The following SMC2 variants were observed in gnomAD, a reference collection of about 807,000 sequenced individuals.
The protein encoded by SMC2 is structural maintenance of chromosomes 2, also known as structural maintenance of chromosomes protein 2.
Under a neutral mutation model 142.6 loss-of-function variants are expected in SMC2, and 41 were observed. The ratio of observed to expected loss-of-function variants is 0.29; its 90% confidence interval spans 0.22 to 0.37. The LOEUF (loss-of-function observed/expected upper bound fraction) is 0.37, where lower values mean the gene tolerates loss of function less well. Among genes scored for constraint, SMC2 ranks in the 10% least tolerant of loss-of-function variants. SMC2 has a pLI of 1.00. For missense variants in SMC2, 1,265 were observed against 1,373.7 expected, an observed-to-expected ratio of 0.92 and a Z score of 1.25; for synonymous variants, 463 against 457.5, an observed-to-expected ratio of 1.01 and a Z score of -0.15.
chr9:104,100,554 A>ACCACCAAG, intron 7 of SMC2, 121 bp downstream of exon 7: 1 of 643,164 alleles, frequency 1.6e-6, no homozygotes, highest in South Asian at 2.0e-5. Context: ...TGAGATAAGG[A>ACCACCAAG]ATTAGAGTTG....
At position 104,127,152 on chromosome 9, in the gene SMC2, AGG is replaced by A. The variant is rs1273337855; in HGVS notation, c.2596-132_2596-131del. 10 of 632,240 alleles carry A rather than the reference AGG, an allele frequency of 1.6e-5. No individual in the cohort carries two copies. In the Admixed American group the frequency reaches 2.2e-4, roughly 14 times the overall value. 39.2% of individuals were successfully genotyped at this position (632,240 alleles called of 1,614,324 possible). On this transcript the variant is annotated intron_variant, in intron 19 of 24. Transcript: ENST00000374793. The stretch of plus-strand genomic sequence containing the variant: ...CTTTTAATGGTGATATAAAATATAG[AGG>A]GTTAGGTGATCATCTCTCTGCCTGT...
At chr9:104,117,363 T>C (rs1006514985) in intron 14 of SMC2, among the ~76,000 whole-genome samples, 2 of 152,230 alleles carry the variant, frequency 1.3e-5, no homozygotes, top group Non-Finnish European at 2.9e-5. Flanking sequence ...TACATAGAGC[T>C]TCCTTCATTG....
rs113443856 is a variant in SMC2 at position 104,134,457 on chromosome 9, G to A, written c.3151G>A (p.Gly1051Ser). The A allele has an allele frequency of 4.7e-5, 76 of 1,608,370 alleles. No individual in the cohort carries two copies. Among genetic ancestry groups the A allele is most frequent in the Middle Eastern group, 3.3e-4 (2 of 6,034 alleles). ...GTCTATTTTTTCTACTCTTTTGCCT[G>A]GTGCTAATGCTATGCTTGCACCACC... ...FGSIFSTLLP[G>S]ANAMLAPPEG... Residue 1051 changes from glycine to serine, a missense_variant, in exon 23 of 25, where the codon GGT (glycine) becomes AGT (serine). Around this residue, in one of 4 missense-constraint regions of SMC2, gnomAD observed 192 missense variants for 261.9 expected, o/e 0.73. Transcript: ENST00000374793.
upstream of SMC2, among the ~76,000 whole-genome samples, chr9:104,091,315 A>G: frequency 6.6e-6 from 1 of 152,248 alleles, no homozygotes; most frequent in East Asian, 1.9e-4. Context: ...AATGTAGGTA[A>G]CTATAACACA....
At chr9:104,094,992 G>A (rs1482901880) in intron 1 of SMC2, among the ~76,000 whole-genome samples, 1 of 152,162 alleles carries the variant, frequency 6.6e-6, no homozygotes, top group Admixed American at 6.5e-5. Flanking sequence ...AGCTATGTCA[G>A]TATCAGAGAA....
At chr9:104,096,635 C>T (rs1354244290) in intron 3 of SMC2, among the ~76,000 whole-genome samples, 1 of 152,212 alleles carries the variant, frequency 6.6e-6, no homozygotes, top group African/African-American at 2.4e-5. Flanking sequence ...TGTTTTTGGA[C>T]AGGTCTTATT....
rs373917071 is a variant in SMC2 at position 104,096,336 on chromosome 9, T to G, written c.318+39T>G. The G allele has an allele frequency of 2.3e-5, 36 of 1,597,376 alleles. No individual in the cohort carries two copies. The African/African-American group carries it at 4.6e-4, about 20-fold the overall frequency. On this transcript the variant is annotated intron_variant, in intron 3 of 24. Transcript: ENST00000374793. The stretch of plus-strand genomic sequence containing the variant: ...AAACCTTTGGGTATCTTAAGACCTT[T>G]TATGTCTGATGTGGTTTTTGGCCCT...
At position 104,132,087 on chromosome 9, in the gene SMC2, C is replaced by A; in HGVS notation, c.3070C>A (p.Gln1024Lys). The change falls in exon 22 of 25, where the codon CAG becomes AAG. Residue 1024 changes from glutamine (Q) to lysine (K), a missense_variant. Coordinates refer to ENST00000374793, the MANE Select transcript of SMC2 (RefSeq NM_006444.3). ...TCTTACAACTATAGAAGACCTTGAC[C>A]AGAAGAAAAACCAAGCCCTAAATAT... ...KILTTIEDLD[Q>K]KKNQALNIAW... 1 of 1,597,662 alleles carries A rather than the reference C, an allele frequency of 6.3e-7. No individual in the cohort carries two copies. The highest frequency in any genetic ancestry group is 1.1e-5 in the South Asian group (1 of 87,716).
intron 24 of SMC2, 105 bp downstream of exon 24, chr9:104,138,270 A>C: frequency 1.1e-6 from 1 of 899,552 alleles, no homozygotes; most frequent in East Asian, 2.7e-5. Context: ...AGGGTTGATA[A>C]ATACTAAAGC....
chr9:104,112,841 TTC>T (rs906856571), intron 10 of SMC2, among the ~76,000 whole-genome samples: 3 of 152,164 alleles, frequency 2.0e-5, no homozygotes, highest in African/African-American at 4.8e-5. Context: ...GCATTTAAGT[TTC>T]TCTGTCAGTT....
At chr9:104,089,195 C>A in the SMC2 span, among the ~76,000 whole-genome samples, 1 of 152,064 alleles carries the variant, frequency 6.6e-6, no homozygotes, top group East Asian at 1.9e-4. Flanking sequence ...TTAGAGAGGG[C>A]AGAGTCTTGT....
intron 13 of SMC2, among the ~76,000 whole-genome samples, chr9:104,115,329 C>T (rs1832965844): frequency 6.6e-6 from 1 of 151,750 alleles, no homozygotes; most frequent in Non-Finnish European, 1.5e-5. Flanking sequence ...AATCCCAGCA[C>T]TTTGGGAGGC....
intron 10 of SMC2, among the ~76,000 whole-genome samples, chr9:104,112,534 C>CTCTT (rs1371791854): frequency 1.3e-5 from 2 of 150,068 alleles, no homozygotes; most frequent in Non-Finnish European, 2.9e-5. Context: ...TCAGGTTTTT[C>CTCTT]TCTTTATATA....
intron 23 of SMC2, among the ~76,000 whole-genome samples, chr9:104,136,720 T>C (rs1835570011): frequency 6.6e-6 from 1 of 151,694 alleles, no homozygotes; most frequent in Admixed American, 6.6e-5. Context: ...ATTAACAGTC[T>C]CACTGTGATT....
At chr9:104,110,497 C>G (rs553141579) in intron 9 of SMC2, among the ~76,000 whole-genome samples, 2 of 152,178 alleles carry the variant, frequency 1.3e-5, no homozygotes, top group South Asian at 4.2e-4. Context: ...CTTTGGTTAA[C>G]AGTAGGCTAT....
At chr9:104,093,793 C>A (rs1031920052), upstream of SMC2, among the ~76,000 whole-genome samples, 2 of 142,330 alleles carry the variant, frequency 1.4e-5, no homozygotes, top group Admixed American at 1.4e-4. Flanking sequence ...GGGCCAGAGT[C>A]CCCCGAAGGA....
chr9:104,104,617 C>T (rs1347991281), intron 9 of SMC2, among the ~76,000 whole-genome samples: 3 of 152,172 alleles, frequency 2.0e-5, no homozygotes, highest in Admixed American at 1.3e-4. Context: ...GCACATTCTA[C>T]AGTTATTCTT....
At chr9:104,136,678 CT>C (rs1036205053) in intron 23 of SMC2, among the ~76,000 whole-genome samples, 1 of 149,284 alleles carries the variant, frequency 6.7e-6, no homozygotes, top group African/African-American at 2.5e-5. Flanking sequence ...TTTAGGTTGG[CT>C]GAATGAGTTT....
Position 104,124,908 on chromosome 9 carries a change from G to A in SMC2, c.2258-4G>A. ...TAGCCACATTTGCTTACTTTGTGAT[G>A]CAGAGGAAAGTGAGGAGACTTTGAA... On this transcript the variant is annotated splice_polypyrimidine_tract_variant and splice_region_variant and intron_variant, in intron 17 of 24. Transcript: ENST00000374793. 5 of 1,577,304 alleles carry A rather than the reference G, an allele frequency of 3.2e-6. No homozygotes were observed. Among genetic ancestry groups the A allele is most frequent in the Non-Finnish European group, 4.3e-6 (5 of 1,170,454 alleles).
Sources: allele counts gnomAD v4.1 joint callset (sites outside exome capture counted in the v4.1 genomes callset), GRCh38; gene constraint gnomAD v4.1.1; regional missense constraint gnomAD v4.1.1; transcripts MANE v1.5; gene names NCBI Gene and HGNC (gene_info 2026-07-23, HGNC 2026-07-21).